CDR2: variants seen among roughly 807,000 people sequenced by gnomAD.
CDR2 encodes cerebellar degeneration related protein 2.
CDR2 carries 34 observed loss-of-function variants against 48.4 expected under a neutral mutation model. That is an observed-to-expected ratio of 0.70 (90% confidence interval 0.53 to 0.94). The LOEUF is 0.94. Ranked by LOEUF, CDR2 falls within the 40% of genes least tolerant of loss-of-function variation. CDR2 has a pLI of 0.00. For missense variants in CDR2, 498 were observed against 549.5 expected (o/e 0.91, Z 0.94); for synonymous variants, 240 against 219.7 (o/e 1.09, Z -0.82).
intron 2 of CDR2, among the ~76,000 whole-genome samples, chr16:22,361,947 G>C (rs1000948106): frequency 1.4e-5 from 2 of 139,802 alleles, no homozygotes; most frequent in South Asian, 2.2e-4. Context: ...TGTCACCCAG[G>C]CTGGAGTGCA....
chr16:22,369,306 A>C (rs1212702436), intron 1 of CDR2, among the ~76,000 whole-genome samples: 5 of 151,186 alleles, frequency 3.3e-5, no homozygotes, highest in African/African-American at 1.2e-4. Context: ...AAAAAAGAAA[A>C]AAAACAAAAC....
chr16:22,350,776 A>G (rs1022823162), intron 2 of CDR2, among the ~76,000 whole-genome samples: 2 of 152,212 alleles, frequency 1.3e-5, no homozygotes, highest in African/African-American at 4.8e-5. Flanking sequence ...TAAAAAATCT[A>G]AAGTGAGACA....
intron 1 of CDR2, among the ~76,000 whole-genome samples, chr16:22,371,061 A>G: frequency 6.6e-6 from 1 of 152,120 alleles, no homozygotes; most frequent in Non-Finnish European, 1.5e-5. Context: ...AAATACAAAA[A>G]TTAGCTGGGT....
intron 2 of CDR2, among the ~76,000 whole-genome samples, chr16:22,356,445 C>T (rs1408729020): frequency 6.6e-6 from 1 of 152,164 alleles, no homozygotes; most frequent in African/African-American, 2.4e-5. Flanking sequence ...TGGCAAAACC[C>T]CGTCTCTACT....
At chr16:22,354,510 G>C (rs908252471) in intron 2 of CDR2, among the ~76,000 whole-genome samples, 1 of 152,188 alleles carries the variant, frequency 6.6e-6, no homozygotes, top group South Asian at 2.1e-4. Flanking sequence ...CCTTAACCTT[G>C]CTTGAGTGAT....
At chr16:22,365,057 C>T in intron 1 of CDR2, 43 bp from the exon 2 acceptor site, 1 of 1,243,558 alleles carries the variant, frequency 8.0e-7, no homozygotes, top group Non-Finnish European at 1.2e-6. Context: ...AATGATCTCA[C>T]ATCAACAATT....
chr16:22,364,254 A>AT, intron 2 of CDR2, among the ~76,000 whole-genome samples: 1 of 152,352 alleles, frequency 6.6e-6, no homozygotes, highest in East Asian at 1.9e-4. Flanking sequence ...AAAATGTAGC[A>AT]TTTTAATAAA....
intron 1 of CDR2, 88 bp downstream of exon 1, chr16:22,374,143 C>T: frequency 2.4e-6 from 2 of 849,398 alleles, no homozygotes; most frequent in Non-Finnish European, 3.7e-6. Context: ...CATCCTCCGC[C>T]GCCACAAAAA....
chr16:22,353,640 C>T (rs904662313), intron 2 of CDR2, among the ~76,000 whole-genome samples: 1 of 152,168 alleles, frequency 6.6e-6, no homozygotes, highest in African/African-American at 2.4e-5. Context: ...GCTTTGCTAA[C>T]GGGCCTTTAT....
At chr16:22,359,729 C>A (rs1250998584) in intron 2 of CDR2, among the ~76,000 whole-genome samples, 1 of 152,118 alleles carries the variant, frequency 6.6e-6, no homozygotes, top group Non-Finnish European at 1.5e-5. Flanking sequence ...AAAACAGAGG[C>A]CAGAGCCCCT....
chr16:22,351,638 T>C (rs1040475583), intron 2 of CDR2, among the ~76,000 whole-genome samples: 2 of 152,262 alleles, frequency 1.3e-5, no homozygotes, highest in Admixed American at 6.5e-5. Flanking sequence ...AGACTCCTGT[T>C]ATTTTTAATT....
chr16:22,362,062 C>T (rs1033983465), intron 2 of CDR2, among the ~76,000 whole-genome samples: 3 of 151,924 alleles, frequency 2.0e-5, no homozygotes, highest in Admixed American at 6.6e-5. Flanking sequence ...CCACCACGCC[C>T]GGCTAATTTT....
chr16:22,347,858 AGGTCCACT>A lies in CDR2; in HGVS notation c.507-43_507-36del, dbSNP rs760168761. The A allele has an allele frequency of 1.7e-5, 26 of 1,539,790 alleles. No individual in the cohort carries two copies. In the African/African-American group the frequency reaches 2.9e-4, roughly 17 times the overall value. On this transcript the variant is annotated intron_variant, in intron 4 of 4. Coordinates refer to ENST00000268383, the MANE Select transcript of CDR2 (RefSeq NM_001802.2). ...AAAATATTGAAAGAATATATTACAC[AGGTCCACT>A]GAAAATGACGAGAGGAAGACTGGTG...
In CDR2 at chr16:22,347,329, C is replaced by T; in HGVS notation, c.1001G>A (p.Arg334Lys). 1.2e-6 allele frequency: 2 copies of T among 1,614,254 alleles called. No individual in the cohort carries two copies. The highest frequency in any genetic ancestry group is 1.7e-6 in the Non-Finnish European group (2 of 1,180,046). Residue 334 changes from arginine to lysine, a missense_variant, in exon 5 of 5, where the codon AGG becomes AAG. Transcript: ENST00000268383. ...GCCCCTCTGTTTCACAGCCTTGGCC[C>T]TCCTGATGCAGGTCTCCTCGTGGCC... Reference protein sequence around the residue: ...VKGHEETCIRRAKAVKQRGIS... With the variant: ...VKGHEETCIRKAKAVKQRGIS...
chr16:22,373,341 T>G (rs760334109), intron 1 of CDR2, among the ~76,000 whole-genome samples: 2 of 152,200 alleles, frequency 1.3e-5, no homozygotes, highest in Non-Finnish European at 2.9e-5. Context: ...ATAGATGCGC[T>G]CTTTCTTCTG....
Position 22,374,260 on chromosome 16 carries a change from G to C in CDR2, c.50C>G (p.Pro17Arg). Residue 17 changes from proline (P) to arginine (R), a missense_variant, in exon 1 of 5, where the codon CCG becomes CGG. By Grantham distance (103) the Pro-to-Arg change is moderately radical (BLOSUM62 -2). Coordinates refer to ENST00000268383, the MANE Select transcript of CDR2 (RefSeq NM_001802.2). Reference sequence around the variant, plus strand: ...CTGGAGGTCCTGGTGGTCGTACCACGGCTCGTCCTCCTTCATCTCAAACTC... The same window carrying C: ...CTGGAGGTCCTGGTGGTCGTACCACCGCTCGTCCTCCTTCATCTCAAACTC... The part of the protein sequence containing the change: ...VEEFEMKEDE[P>R]WYDHQDLQQD... The C allele has an allele frequency of 2.5e-6, 4 of 1,603,656 alleles. No individual in the cohort carries two copies. Among genetic ancestry groups the C allele is most frequent in the East Asian group, 2.3e-5 (1 of 43,662 alleles).
At chr16:22,354,957 A>T (rs1332926796) in intron 2 of CDR2, among the ~76,000 whole-genome samples, 1 of 152,176 alleles carries the variant, frequency 6.6e-6, no homozygotes, top group Non-Finnish European at 1.5e-5. Context: ...CATGCAGAGA[A>T]ATGGTTTAAT....
rs757279843 is a variant in CDR2, at chr16:22,349,412, TG to T, written c.372del (p.Asn125ThrfsTer12). On this transcript the variant is annotated frameshift_variant, in exon 4 of 5. Transcript: ENST00000268383. LOFTEE classifies it high-confidence loss of function. ...SLTETIECLQ[T>X]NIDHLQSQVE... The stretch of plus-strand genomic sequence containing the variant: ...ACTTGGCTCTGGAGGTGATCAATGT[TG>T]GTTTGCAGGCATTCAATCGTTTCAG... The T allele has an allele frequency of 6.2e-7, 1 of 1,614,162 alleles. No homozygotes were observed. Among genetic ancestry groups the T allele is most frequent in the Non-Finnish European group, 8.5e-7 (1 of 1,180,032 alleles).
intron 2 of CDR2, among the ~76,000 whole-genome samples, chr16:22,362,257 C>T (rs184800917): frequency 6.6e-4 from 101 of 152,240 alleles, no homozygotes; most frequent in Admixed American, 3.9e-3. Flanking sequence ...ATTTCCATGA[C>T]GCTTTGCAAT....
Sources: allele counts gnomAD v4.1 joint callset (sites outside exome capture counted in the v4.1 genomes callset), GRCh38; gene constraint gnomAD v4.1.1; transcripts MANE v1.5; gene names NCBI Gene and HGNC (gene_info 2026-07-23, HGNC 2026-07-21).